The following TLN2 variants were observed in gnomAD, a reference collection of about 807,000 sequenced individuals.
The protein encoded by TLN2 is talin 2, also known as talin-2.
TLN2 carries 118 observed loss-of-function variants against 294.7 expected under a neutral mutation model. The observed-to-expected ratio is 0.40, with a 90% confidence interval of 0.34 to 0.47. TLN2 has a LOEUF of 0.47. Among genes scored for constraint, TLN2 ranks in the 20% least tolerant of loss-of-function variants. TLN2 has a pLI of 0.84. For missense variants in TLN2, 3,083 were observed against 3,282.2 expected (o/e 0.94, Z 1.48); for synonymous variants, 1,431 against 1,304.5 (o/e 1.10, Z -2.09).
At chr15:62,484,611 G>C (rs991455608) in intron 1 of TLN2, among the ~76,000 whole-genome samples, 8 of 152,086 alleles carry the variant, frequency 5.3e-5, no homozygotes, top group Non-Finnish European at 1.0e-4. Flanking sequence ...ACCTTTTGTA[G>C]AGACAGGGTT....
intron 41 of TLN2, among the ~76,000 whole-genome samples, chr15:62,767,260 A>G (rs2063064415): frequency 6.6e-6 from 1 of 152,090 alleles, no homozygotes; most frequent in South Asian, 2.1e-4. Flanking sequence ...GATTTTTAAG[A>G]TTTGAAATCT....
At chr15:62,700,405 A>G (rs938387940) in intron 16 of TLN2, among the ~76,000 whole-genome samples, 1 of 152,198 alleles carries the variant, frequency 6.6e-6, no homozygotes, top group Admixed American at 6.5e-5. Flanking sequence ...CTTGCTATTT[A>G]TAGGTTCAAA....
chr15:62,772,963 C>A (rs1420640097), intron 42 of TLN2, among the ~76,000 whole-genome samples: 1 of 152,078 alleles, frequency 6.6e-6, no homozygotes, highest in South Asian at 2.1e-4. Flanking sequence ...CACACCTGAC[C>A]TTTCTGGATT....
At chr15:62,588,902 TG>T (rs1419952869) in intron 1 of TLN2, among the ~76,000 whole-genome samples, 1 of 151,234 alleles carries the variant, frequency 6.6e-6, no homozygotes, top group Non-Finnish European at 1.5e-5. Context: ...GGTACTCATT[TG>T]CTTTTATTTT....
intron 25 of TLN2, among the ~76,000 whole-genome samples, chr15:62,721,722 GT>G (rs1337758136): frequency 6.6e-6 from 1 of 152,120 alleles, no homozygotes; most frequent in Non-Finnish European, 1.5e-5. Flanking sequence ...TCATAGCATT[GT>G]TTATTAAATT....
At chr15:62,575,767 T>C (rs2044339328) in intron 1 of TLN2, among the ~76,000 whole-genome samples, 1 of 152,192 alleles carries the variant, frequency 6.6e-6, no homozygotes, top group South Asian at 2.1e-4. Context: ...GTTCAAGCTA[T>C]AGTTTAATTC....
intron 25 of TLN2, among the ~76,000 whole-genome samples, chr15:62,720,954 G>T (rs1164159195): frequency 6.6e-6 from 1 of 152,102 alleles, no homozygotes; most frequent in Non-Finnish European, 1.5e-5. Flanking sequence ...TTATGACTTG[G>T]ACAAGGCATT....
rs560309405 is a variant in TLN2, at chr15:62,494,599, T to C, written c.-237-95088T>C. 2.0e-5 allele frequency among the ~76,000 whole-genome samples: 3 copies of C among 152,326 alleles called. No individual in the cohort carries two copies. In the East Asian group the frequency reaches 5.8e-4, roughly 29 times the overall value. ...CAGATGTGATTAAATTGTCCGTAAC[T>C]TTTAACTCTTCCCTCCCCCGTGCTT... On this transcript the variant is annotated intron_variant, in intron 1 of 58. Transcript: ENST00000636159.
At chr15:62,537,143 C>A (rs1017427512) in intron 1 of TLN2, among the ~76,000 whole-genome samples, 1 of 151,942 alleles carries the variant, frequency 6.6e-6, no homozygotes, top group Admixed American at 6.6e-5. Context: ...CTCAGCCTCC[C>A]GAGTAGCTGG....
chr15:62,598,643 T>G (rs1421147341), intron 2 of TLN2, among the ~76,000 whole-genome samples: 4 of 152,052 alleles, frequency 2.6e-5, no homozygotes, highest in Non-Finnish European at 5.9e-5. Flanking sequence ...CAAGTACATT[T>G]GATTTTTTTA....
chr15:62,634,967 T>A (rs564335365), intron 3 of TLN2, among the ~76,000 whole-genome samples: 1 of 152,270 alleles, frequency 6.6e-6, no homozygotes, highest in Non-Finnish European at 1.5e-5. Flanking sequence ...TTATTGTCTA[T>A]GCTAGATGGT....
chr15:62,823,890 C>A (rs1388907010), intron 54 of TLN2: 1 of 473,918 alleles, frequency 2.1e-6, no homozygotes, highest in Non-Finnish European at 4.3e-6. Flanking sequence ...AAAGTGACCA[C>A]CCCCTGCAGC....
At chr15:62,602,324 A>G (rs950456128) in intron 2 of TLN2, among the ~76,000 whole-genome samples, 1 of 152,208 alleles carries the variant, frequency 6.6e-6, no homozygotes. Context: ...CTGCATACAC[A>G]ACAGTATATT....
chr15:62,475,413 C>T (rs2037733746), intron 1 of TLN2, among the ~76,000 whole-genome samples: 1 of 152,102 alleles, frequency 6.6e-6, no homozygotes, highest in African/African-American at 2.4e-5. Flanking sequence ...CTCGAGGTTG[C>T]ATTGATGTGT....
chr15:62,823,385 G>T (rs2067749153), intron 54 of TLN2, among the ~76,000 whole-genome samples: 1 of 152,144 alleles, frequency 6.6e-6, no homozygotes, highest in Non-Finnish European at 1.5e-5. Flanking sequence ...ACCAAAATCA[G>T]CCAGTCTTTT....
chr15:62,439,186 A>G (rs1036669439), intron 1 of TLN2, among the ~76,000 whole-genome samples: 4 of 152,186 alleles, frequency 2.6e-5, no homozygotes, highest in Admixed American at 2.0e-4. Flanking sequence ...ACACTTTACT[A>G]TGTACCCTAG....
At chr15:62,632,817 T>G (rs949169408) in intron 3 of TLN2, among the ~76,000 whole-genome samples, 2 of 152,178 alleles carry the variant, frequency 1.3e-5, no homozygotes, top group African/African-American at 4.8e-5. Flanking sequence ...GGAGGGAGAC[T>G]CCACAAATCT....
chr15:62,657,091 G>A (rs1567279355), intron 8 of TLN2, among the ~76,000 whole-genome samples: 1 of 150,240 alleles, frequency 6.7e-6, no homozygotes, highest in African/African-American at 2.4e-5. Context: ...TAGAGTGATA[G>A]CTTGGAGTGT....
intron 1 of TLN2, among the ~76,000 whole-genome samples, chr15:62,413,360 T>C (rs1432861775): frequency 6.6e-6 from 1 of 152,176 alleles, no homozygotes; most frequent in Non-Finnish European, 1.5e-5. Context: ...ATTACAATGA[T>C]TGGATCCAGA....
Sources: gnomAD v4.1 joint callset for allele counts (sites outside exome capture counted in the v4.1 genomes callset) on GRCh38, gnomAD v4.1.1 for gene constraint, MANE v1.5 for transcripts, NCBI Gene and HGNC (gene_info 2026-07-23, HGNC 2026-07-21) for gene names.